The following GHRH variants were observed in gnomAD, a reference collection of about 807,000 sequenced individuals.
GHRH encodes somatoliberin.
GHRH carries 7 observed loss-of-function variants against 15.6 expected under a neutral mutation model. The ratio of observed to expected loss-of-function variants is 0.45; its 90% CI spans 0.26 to 0.84. The LOEUF is 0.84. Among genes scored for constraint, GHRH ranks in the 40% least tolerant of loss-of-function variants. The pLI is 0.18. For synonymous variants in GHRH, 54 were observed against 50.4 expected (o/e 1.07, Z -0.30); for missense variants, 117 against 138.0 (o/e 0.85, Z 0.76).
At chr20:37,261,235 A>G (rs6094206) in intron 1 of GHRH, among the ~76,000 whole-genome samples, 2,974 of 152,304 alleles carry the variant, frequency 0.02, 100 homozygotes, top group African/African-American at 0.067. Flanking sequence ...GAGGACTCCA[A>G]AGGCAGATAA....
At chr20:37,251,573 T>C (rs529238556) in intron 4 of GHRH, among the ~76,000 whole-genome samples, 2 of 152,294 alleles carry the variant, frequency 1.3e-5, no homozygotes, top group African/African-American at 4.8e-5. Context: ...AATGAAGTAA[T>C]TGACTGTACA....
chr20:37,253,710 A>G (rs2068636305), intron 4 of GHRH, among the ~76,000 whole-genome samples: 1 of 152,136 alleles, frequency 6.6e-6, no homozygotes, highest in African/African-American at 2.4e-5. Context: ...AAGTGCTGGG[A>G]TTATAGGCAT....
At chr20:37,260,833 T>C (rs1187412269) in intron 1 of GHRH, among the ~76,000 whole-genome samples, 1 of 152,172 alleles carries the variant, frequency 6.6e-6, no homozygotes, top group Non-Finnish European at 1.5e-5. Flanking sequence ...TCTACATCCG[T>C]TGGCACCTTT....
chr20:37,252,863 A>C (rs1042663056), intron 4 of GHRH, among the ~76,000 whole-genome samples: 1 of 152,064 alleles, frequency 6.6e-6, no homozygotes, highest in Non-Finnish European at 1.5e-5. Flanking sequence ...ACATGGTGAA[A>C]CCCTGTCTCT....
intron 1 of GHRH, among the ~76,000 whole-genome samples, chr20:37,260,411 C>T (rs6032492): frequency 6.7e-6 from 1 of 148,350 alleles, no homozygotes; most frequent in Non-Finnish European, 1.5e-5. Context: ...AAAAAAAAAA[C>T]ACACAAAACA....
intron 1 of GHRH, among the ~76,000 whole-genome samples, chr20:37,260,634 TAAG>T (rs1447083330): frequency 6.6e-6 from 1 of 152,118 alleles, no homozygotes; most frequent in Non-Finnish European, 1.5e-5. Context: ...CATGACAACT[TAAG>T]GAGTCAAAAT....
rs1396658107 is a variant in GHRH, at chr20:37,256,817, A to G, written c.73T>C (p.Leu25=). The G allele has an allele frequency of 1.2e-5, 19 of 1,612,304 alleles. No homozygotes were observed. In the East Asian group the frequency reaches 4.2e-4, roughly 36 times the overall value. ...NSSHCSPPPP[L]TLRMRRYADA... ...CCAGGGTCTGCTTACCTGAGGGTCA[A>G]AGGGGGAGGTGGGGAGCAGTGGGAG... is the stretch of plus-strand genomic sequence containing the variant. Residue 25 remains leucine, a synonymous_variant, in exon 2 of 5, where the codon TTG becomes CTG. Transcript: ENST00000373614.
At chr20:37,255,596 G>A (rs1264678042) in intron 3 of GHRH, among the ~76,000 whole-genome samples, 1 of 146,252 alleles carries the variant, frequency 6.8e-6, no homozygotes. Flanking sequence ...GGGAGGGGGA[G>A]CTTGCAGTGA....
chr20:37,251,418 C>T (rs906300399), intron 4 of GHRH, among the ~76,000 whole-genome samples, 187 bp from the exon 5 acceptor site: 1 of 152,146 alleles, frequency 6.6e-6, no homozygotes, highest in Non-Finnish European at 1.5e-5. Context: ...GGCTTAGCCC[C>T]TGCTCTCTGC....
chr20:37,256,384 T>G lies in GHRH; in HGVS notation c.188+10A>C, dbSNP rs747897519. On this transcript the variant is annotated intron_variant, in intron 3 of 4. Coordinates refer to ENST00000373614, the MANE Select transcript of GHRH (RefSeq NM_021081.6). ...GGGTGTGGGAAGAAATCACTAGAACTCCTGCTTACCCCTGCTGCCTGCTCA... is the reference window on the plus strand; with the variant it reads ...GGGTGTGGGAAGAAATCACTAGAACGCCTGCTTACCCCTGCTGCCTGCTCA... 3 of 1,584,918 alleles carry G rather than the reference T, an allele frequency of 1.9e-6. No individual in the cohort carries two copies. The East Asian group carries it at 6.7e-5, about 35-fold the overall frequency.
At chr20:37,252,384 A>C (rs2068626376) in intron 4 of GHRH, among the ~76,000 whole-genome samples, 1 of 152,094 alleles carries the variant, frequency 6.6e-6, no homozygotes, top group Admixed American at 6.6e-5. Flanking sequence ...GAGGCCATGG[A>C]GCGCTCTGCT....
chr20:37,254,803 A>T (rs1394067822), intron 3 of GHRH, among the ~76,000 whole-genome samples: 1 of 152,186 alleles, frequency 6.6e-6, no homozygotes, highest in Non-Finnish European at 1.5e-5. Flanking sequence ...TCTATAAATC[A>T]TTAGCCTTTA....
intron 1 of GHRH, among the ~76,000 whole-genome samples, chr20:37,260,794 G>A (rs775735557): frequency 6.6e-6 from 1 of 152,192 alleles, no homozygotes; most frequent in Non-Finnish European, 1.5e-5. Flanking sequence ...ACTTGAGATT[G>A]CCTGGATTCA....
chr20:37,256,434 C>A lies in GHRH; in HGVS notation c.148G>T (p.Ala50Ser). The A allele has an allele frequency of 6.2e-7, 1 of 1,613,258 alleles. No homozygotes were observed. Among genetic ancestry groups the A allele is most frequent in the Non-Finnish European group, 8.5e-7 (1 of 1,179,578 alleles). ...ATGATGTCCTGGAGCAGCTTGCGGG[C>A]GGACAGCTGGCCCAGCACCTTCCGG... The part of the protein sequence containing the change: ...SYRKVLGQLS[A>S]RKLLQDIMSR... The change falls in exon 3 of 5, where the codon GCC (alanine) becomes TCC (serine). Residue 50 changes from alanine to serine, a missense_variant. Coordinates refer to ENST00000373614, the MANE Select transcript of GHRH (RefSeq NM_021081.6).
chr20:37,253,320 A>C (rs924126293), intron 4 of GHRH, among the ~76,000 whole-genome samples: 2 of 152,142 alleles, frequency 1.3e-5, no homozygotes, highest in Non-Finnish European at 2.9e-5. Context: ...ACACTCATCT[A>C]CCACAGGGTG....
At chr20:37,260,495 GGATT>G (rs2068682209) in intron 1 of GHRH, among the ~76,000 whole-genome samples, 1 of 152,122 alleles carries the variant, frequency 6.6e-6, no homozygotes, top group African/African-American at 2.4e-5. Context: ...TGATGTGGGA[GGATT>G]GCTTGAGCCC....
rs189311906 is a variant in GHRH, at chr20:37,256,153, A to T, written c.188+241T>A. On this transcript the variant is annotated intron_variant, in intron 3 of 4. Transcript: ENST00000373614. ...GAGCCTTTGTTTTTGGCATGGAGTC[A>T]TGATTAAATGGTAACTACTACCAGT... Among the ~76,000 whole-genome samples, 5 of 152,362 alleles carry T rather than the reference A, an allele frequency of 3.3e-5. No homozygotes were observed. In the East Asian group the frequency reaches 9.6e-4, roughly 29 times the overall value.
intron 1 of GHRH, among the ~76,000 whole-genome samples, chr20:37,260,390 C>A (rs1161974491): frequency 6.8e-6 from 1 of 147,304 alleles, no homozygotes; most frequent in East Asian, 1.9e-4. Flanking sequence ...TGGCGAGACC[C>A]CATCTCTACA....
rs371018772 is a variant in GHRH, at chr20:37,251,189, T to C, written c.*24A>G. 60 of 1,583,816 alleles carry C rather than the reference T, an allele frequency of 3.8e-5. No individual in the cohort carries two copies. Among genetic ancestry groups the C allele is most frequent in the Middle Eastern group, 1.7e-4 (1 of 6,008 alleles). On this transcript the variant is annotated 3_prime_UTR_variant, in exon 5 of 5. Transcript: ENST00000373614. ...GATCCAGTTGCATTTTGGCTACAGG[T>C]AGCCCGGGTCACAGGAGGAATCTTC... is the stretch of plus-strand genomic sequence containing the variant.
Sources: allele counts gnomAD v4.1 joint callset (sites outside exome capture counted in the v4.1 genomes callset), GRCh38; gene constraint gnomAD v4.1.1; transcripts MANE v1.5; gene names NCBI Gene and HGNC (gene_info 2026-07-23, HGNC 2026-07-21).